Variants in ANKFN1 observed in about 807,000 individuals in gnomAD.
ANKFN1 encodes the protein ankyrin repeat and fibronectin type III domain containing 1.
In ANKFN1, 74 loss-of-function variants were observed where a neutral mutation model predicts 108.7. The ratio of observed to expected loss-of-function variants is 0.68; its 90% CI spans 0.56 to 0.83. The LOEUF (loss-of-function observed/expected upper bound fraction) is 0.83. Ranked by LOEUF, ANKFN1 falls within the 40% of genes least tolerant of loss-of-function variation. ANKFN1 has a pLI of 0.00. For synonymous variants in ANKFN1, 547 were observed against 516.2 expected (o/e 1.06, Z -0.81); for missense variants, 1,505 against 1,382.3 (o/e 1.09, Z -1.41).
intron 14 of ANKFN1, among the ~76,000 whole-genome samples, chr17:56,460,452 A>AAAAATAAAATAAAAT (rs61400496): frequency 3.3e-5 from 5 of 151,110 alleles, no homozygotes; most frequent in African/African-American, 1.2e-4. Context: ...GACCTTGTCT[A>AAAAATAAAATAAAAT]AAAATAAAAT....
chr17:56,053,513 C>T (rs1904813818), intron 4 of ANKFN1, among the ~76,000 whole-genome samples: 1 of 152,152 alleles, frequency 6.6e-6, no homozygotes, highest in Non-Finnish European at 1.5e-5. Flanking sequence ...AAATAGTACT[C>T]CATTGTGTAT....
At chr17:56,312,716 G>A (rs771953188) in intron 3 of ANKFN1, among the ~76,000 whole-genome samples, 1 of 152,148 alleles carries the variant, frequency 6.6e-6, no homozygotes, top group Non-Finnish European at 1.5e-5. Flanking sequence ...CACCCACTAT[G>A]TGCTAGGCAC....
intron 3 of ANKFN1, among the ~76,000 whole-genome samples, chr17:56,240,391 G>C (rs1300451156): frequency 1.3e-5 from 2 of 151,844 alleles, no homozygotes; most frequent in African/African-American, 4.8e-5. Flanking sequence ...TTTATCTCTA[G>C]GTAGTATTCC....
intron 8 of ANKFN1, among the ~76,000 whole-genome samples, chr17:56,382,238 T>C (rs1298210142): frequency 6.6e-6 from 1 of 151,980 alleles, no homozygotes; most frequent in African/African-American, 2.4e-5. Flanking sequence ...CTAAGCTTCA[T>C]AAGTGAAGGA....
chr17:56,326,319 C>A lies in ANKFN1; in HGVS notation c.152C>A (p.Thr51Lys). The part of the protein sequence containing the change: ...LLNESTGQLP[T>K]TCSSAASNSI... ...AATGAAAGCACTGGACAATTACCAACAACTTGTTCCTCTGCTGCCTCGAAC... is the reference window on the plus strand; with the variant it reads ...AATGAAAGCACTGGACAATTACCAAAAACTTGTTCCTCTGCTGCCTCGAAC... Residue 51 changes from threonine to lysine, a missense_variant, in exon 4 of 21, where the codon ACA becomes AAA. Transcript: ENST00000682825. 6.2e-7 allele frequency: 1 copy of A among 1,613,914 alleles called. No homozygotes were observed. Among genetic ancestry groups the A allele is most frequent in the Non-Finnish European group, 8.5e-7 (1 of 1,179,854 alleles).
Position 56,353,994 on chromosome 17 carries a change from T to C in ANKFN1, c.549T>C (p.Asn183=), listed in dbSNP as rs777944070. The C allele has an allele frequency of 5.0e-6, 8 of 1,613,952 alleles. No homozygotes were observed. In the South Asian group the frequency reaches 8.8e-5, roughly 18 times the overall value. ...TPLDIAIMTN[N]VPIARILLRT... is the part of the protein sequence containing the mutation. ...TGGATATTGCCATCATGACCAACAA[T>C]GTGCCCATTGCAAGGATTCTTCTGA... The change falls in exon 6 of 21, where the codon AAT becomes AAC. Residue 183 remains asparagine (N), a synonymous_variant. Coordinates refer to ENST00000682825, the MANE Select transcript of ANKFN1 (RefSeq NM_001370326.1).
intron 10 of ANKFN1, among the ~76,000 whole-genome samples, chr17:56,446,552 A>G (rs2049295981): frequency 6.6e-6 from 1 of 152,146 alleles, no homozygotes; most frequent in East Asian, 1.9e-4. Flanking sequence ...TCTATTCACA[A>G]TGCCTCACCA....
chr17:56,050,517 T>G (rs538483252), intron 4 of ANKFN1, among the ~76,000 whole-genome samples: 3 of 145,232 alleles, frequency 2.1e-5, no homozygotes, highest in African/African-American at 7.7e-5. Context: ...AGGGTTTTTA[T>G]GGTTTTAGGT....
At chr17:56,104,983 TCA>T (rs1423944636) in intron 4 of ANKFN1, among the ~76,000 whole-genome samples, 3 of 152,182 alleles carry the variant, frequency 2.0e-5, no homozygotes, top group African/African-American at 7.2e-5. Flanking sequence ...CCCAAGCATG[TCA>T]CAGTTTTGTG....
In ANKFN1 at chr17:56,357,873, G is replaced by A. The variant is rs899251373; in HGVS notation, c.601+3827G>A. Among the ~76,000 whole-genome samples, 5 of 152,118 alleles carry A rather than the reference G, an allele frequency of 3.3e-5. No individual in the cohort carries two copies. In the East Asian group the frequency reaches 9.6e-4, roughly 29 times the overall value. On this transcript the variant is annotated intron_variant, in intron 6 of 20. Transcript: ENST00000682825. ...TGGTTTTGTCTACATCATCTCCCTT[G>A]ATCCTCACAACTGGCTTGTGAGGGA...
At chr17:56,078,464 G>A (rs957595872) in intron 4 of ANKFN1, among the ~76,000 whole-genome samples, 3 of 152,150 alleles carry the variant, frequency 2.0e-5, no homozygotes, top group African/African-American at 7.2e-5. Flanking sequence ...CCAAGTTTTA[G>A]CTCCCATCTA....
chr17:56,083,585 C>G (rs1410448390), intron 4 of ANKFN1, among the ~76,000 whole-genome samples: 1 of 151,448 alleles, frequency 6.6e-6, no homozygotes, highest in Non-Finnish European at 1.5e-5. Context: ...AGGATCTGCT[C>G]TTAGAGCAAC....
chr17:56,279,438 A>G (rs57786205), intron 3 of ANKFN1, among the ~76,000 whole-genome samples: 10,223 of 152,278 alleles, frequency 0.067, 882 homozygotes, highest in African/African-American at 0.2. Flanking sequence ...CCCAAGAAGC[A>G]TAAGGCTTCA....
At chr17:56,051,298 A>G (rs1424392086) in intron 4 of ANKFN1, among the ~76,000 whole-genome samples, 1 of 108,868 alleles carries the variant, frequency 9.2e-6, no homozygotes, top group African/African-American at 3.6e-5. Flanking sequence ...CAGCATATAA[A>G]CAGAACCAAA....
At chr17:56,286,995 T>C (rs2044235956) in intron 3 of ANKFN1, among the ~76,000 whole-genome samples, 1 of 152,118 alleles carries the variant, frequency 6.6e-6, no homozygotes, top group South Asian at 2.1e-4. Context: ...TTCCCTGATA[T>C]TGTGACCTGG....
At chr17:56,052,957 C>G (rs1904803788) in intron 4 of ANKFN1, among the ~76,000 whole-genome samples, 1 of 151,978 alleles carries the variant, frequency 6.6e-6, no homozygotes, top group Non-Finnish European at 1.5e-5. Flanking sequence ...AATCACTGGA[C>G]CGTCAACTCA....
chr17:56,093,508 C>T lies in ANKFN1; in HGVS notation c.288+47183C>T, dbSNP rs765848446. ...CTCATGGAATACTAAGCGCAAAAAA[C>T]GGCACCCAGGAATAAAAACTGCCAT... is the stretch of plus-strand genomic sequence containing the variant. On this transcript the variant is annotated intron_variant, in intron 4 of 12. Transcript: ENST00000635860. Among the ~76,000 whole-genome samples, 83 of 151,148 alleles carry T rather than the reference C, an allele frequency of 5.5e-4. 2 individuals carry two copies. Among genetic ancestry groups the T allele is most frequent in the African/African-American group, 1.9e-3 (79 of 41,172 alleles).
chr17:56,293,411 T>A (rs1377036526), intron 3 of ANKFN1, among the ~76,000 whole-genome samples: 1 of 152,228 alleles, frequency 6.6e-6, no homozygotes, highest in Non-Finnish European at 1.5e-5. Flanking sequence ...TGTGTGTTTA[T>A]GTTTGTGGTC....
intron 1 of ANKFN1, among the ~76,000 whole-genome samples, chr17:56,156,278 G>A (rs143191615): frequency 8.0e-4 from 121 of 152,178 alleles, no homozygotes; most frequent in African/African-American, 2.8e-3. Flanking sequence ...AGTAGAGACA[G>A]GGTTTCACTA....
Sources: gnomAD v4.1 joint callset for allele counts (sites outside exome capture counted in the v4.1 genomes callset) on GRCh38, gnomAD v4.1.1 for gene constraint, MANE v1.5 for transcripts, NCBI Gene and HGNC (gene_info 2026-07-23, HGNC 2026-07-21) for gene names.